The following MACROD2 variants were observed in gnomAD, a reference collection of about 807,000 sequenced individuals.
The protein encoded by MACROD2 is mono-ADP ribosylhydrolase 2, also known as ADP-ribose glycohydrolase MACROD2.
A neutral mutation model predicts 70.4 loss-of-function variants in MACROD2; 36 were observed. The observed-to-expected ratio is 0.51, with a 90% CI of 0.39 to 0.68. The LOEUF (loss-of-function observed/expected upper bound fraction) is 0.68. Among genes scored for constraint, MACROD2 ranks in the 30% least tolerant of loss-of-function variants. The probability of loss-of-function intolerance (pLI) is 0.00; values close to 1 mark genes in which losing one functional copy is unlikely to be tolerated. For synonymous variants in MACROD2, 172 were observed against 178.8 expected (o/e 0.96, Z 0.30); for missense variants, 496 against 538.4 (o/e 0.92, Z 0.78).
intron 5 of MACROD2, chr20:14,888,709 G>A (rs796132789): frequency 1.4e-4 from 21 of 152,258 alleles, no homozygotes; most frequent in African/African-American, 4.1e-4. Context: ...TTTGGACATC[G>A]CTATGGTTGC....
At chr20:15,436,123 T>A (rs944724096) in intron 7 of MACROD2, among the ~76,000 whole-genome samples, 4 of 152,192 alleles carry the variant, frequency 2.6e-5, no homozygotes, top group African/African-American at 9.6e-5. Flanking sequence ...GCTATGTCTC[T>A]GTGGTTTATA....
At chr20:15,858,435 A>G (rs889654227) in intron 8 of MACROD2, among the ~76,000 whole-genome samples, 21 of 152,164 alleles carry the variant, frequency 1.4e-4, no homozygotes, top group African/African-American at 5.1e-4. Flanking sequence ...TAACAATTAG[A>G]CTTTCTCCTC....
intron 3 of MACROD2, among the ~76,000 whole-genome samples, chr20:14,457,857 T>C (rs370843437): frequency 7.2e-5 from 11 of 152,176 alleles, no homozygotes; most frequent in African/African-American, 2.7e-4. Context: ...CCTGACACTT[T>C]GGGAGGCCGA....
intron 5 of MACROD2, among the ~76,000 whole-genome samples, chr20:14,842,420 T>G (rs2073096929): frequency 6.6e-6 from 1 of 152,072 alleles, no homozygotes; most frequent in African/African-American, 2.4e-5. Context: ...AATATTTCAC[T>G]GAAACACTTA....
At chr20:15,861,349 A>C (rs2064421866) in intron 8 of MACROD2, among the ~76,000 whole-genome samples, 1 of 152,192 alleles carries the variant, frequency 6.6e-6, no homozygotes, top group African/African-American at 2.4e-5. Context: ...CATTTATTCA[A>C]CTAAATTTAG....
At chr20:15,056,739 AAAAT>A (rs1253596645) in intron 5 of MACROD2, among the ~76,000 whole-genome samples, 1 of 152,228 alleles carries the variant, frequency 6.6e-6, no homozygotes, top group African/African-American at 2.4e-5. Context: ...TGGTAAAACT[AAAAT>A]AACCTGTGAA....
At chr20:15,861,970 G>C (rs2147163397) in intron 8 of MACROD2, among the ~76,000 whole-genome samples, 1 of 152,258 alleles carries the variant, frequency 6.6e-6, no homozygotes, top group Admixed American at 6.5e-5. Flanking sequence ...ACAAAATTAA[G>C]TCACTGATTT....
intron 6 of MACROD2, among the ~76,000 whole-genome samples, chr20:15,260,530 A>G (rs1452955855): frequency 6.6e-6 from 1 of 151,924 alleles, no homozygotes; most frequent in African/African-American, 2.4e-5. Context: ...TTCAACTGTT[A>G]AAAGACACTT....
chr20:15,104,680 T>C (rs553929103), intron 5 of MACROD2, among the ~76,000 whole-genome samples: 4 of 152,282 alleles, frequency 2.6e-5, no homozygotes, highest in African/African-American at 9.6e-5. Flanking sequence ...GGTGCTTTAC[T>C]TACCTGCAGG....
intron 10 of MACROD2, among the ~76,000 whole-genome samples, chr20:15,889,404 A>G (rs1487077352): frequency 1.3e-5 from 2 of 152,196 alleles, no homozygotes; most frequent in African/African-American, 4.8e-5. Context: ...GAGGCTTAAA[A>G]GGGATTAGTT....
At chr20:15,736,335 G>A (rs1187485220) in intron 8 of MACROD2, among the ~76,000 whole-genome samples, 1 of 152,192 alleles carries the variant, frequency 6.6e-6, no homozygotes, top group Non-Finnish European at 1.5e-5. Flanking sequence ...TGGCTTGTGG[G>A]TCACTAGTAT....
chr20:14,552,367 T>G (rs2123265193), intron 4 of MACROD2, among the ~76,000 whole-genome samples: 1 of 150,666 alleles, frequency 6.6e-6, no homozygotes. Context: ...GGCACCTCTT[T>G]CTCAGAAAAG....
At chr20:15,680,887 TAGG>T (rs1052875460) in intron 8 of MACROD2, among the ~76,000 whole-genome samples, 1 of 152,010 alleles carries the variant, frequency 6.6e-6, no homozygotes, top group Non-Finnish European at 1.5e-5. Context: ...AAAGACAAAA[TAGG>T]AGGAAACTTT....
chr20:14,279,009 A>G (rs979318264), intron 3 of MACROD2, among the ~76,000 whole-genome samples: 1 of 152,188 alleles, frequency 6.6e-6, no homozygotes, highest in African/African-American at 2.4e-5. Context: ...GTAGGGTAGA[A>G]CGTGGAGCAA....
chr20:14,807,562 T>C (rs1340927167), intron 5 of MACROD2, among the ~76,000 whole-genome samples: 1 of 151,836 alleles, frequency 6.6e-6, no homozygotes, highest in Non-Finnish European at 1.5e-5. Flanking sequence ...TCCTTGCCAA[T>C]AAGGGAACAA....
chr20:14,921,086 A>G (rs576499889), intron 5 of MACROD2, among the ~76,000 whole-genome samples: 1 of 152,302 alleles, frequency 6.6e-6, no homozygotes, highest in South Asian at 2.1e-4. Flanking sequence ...TACATAATGT[A>G]TAGAATTAAA....
chr20:14,833,412 G>A (rs1330495386), intron 5 of MACROD2, among the ~76,000 whole-genome samples: 1 of 152,060 alleles, frequency 6.6e-6, no homozygotes, highest in African/African-American at 2.4e-5. Flanking sequence ...GAAATCACAG[G>A]CTGAGAGGAC....
chr20:15,240,074 T>A (rs2077048087), intron 6 of MACROD2, among the ~76,000 whole-genome samples: 1 of 152,202 alleles, frequency 6.6e-6, no homozygotes, highest in Non-Finnish European at 1.5e-5. Flanking sequence ...CAAATGAGAC[T>A]ATAATGAGTA....
At chr20:14,444,013 G>A (rs1260263022) in intron 3 of MACROD2, among the ~76,000 whole-genome samples, 1 of 152,074 alleles carries the variant, frequency 6.6e-6, no homozygotes, top group African/African-American at 2.4e-5. Context: ...GTTATTTTAA[G>A]TAATTTAGTT....
Sources: allele counts gnomAD v4.1 joint callset (sites outside exome capture counted in the v4.1 genomes callset), GRCh38; gene constraint gnomAD v4.1.1; transcripts MANE v1.5; gene names NCBI Gene and HGNC (gene_info 2026-07-23, HGNC 2026-07-21).